RERE: variants seen among roughly 807,000 people sequenced by gnomAD.
The protein encoded by RERE is arginine-glutamic acid dipeptide repeats protein.
In RERE, 40 loss-of-function variants were observed where a neutral mutation model predicts 146.1. The observed-to-expected ratio is 0.27, with a 90% CI of 0.21 to 0.36. RERE has a LOEUF of 0.36. Ranked by LOEUF, RERE falls within the 10% of genes least tolerant of loss-of-function variation. The pLI is 1.00. For synonymous variants in RERE, 1,003 were observed against 866.0 expected (o/e 1.16, Z -2.78); for missense variants, 1,933 against 2,138.7 (o/e 0.90, Z 1.90).
intron 1 of RERE, among the ~76,000 whole-genome samples, chr1:8,731,010 C>G (rs1334350050): frequency 8.6e-5 from 13 of 151,992 alleles, no homozygotes; most frequent in Admixed American, 5.9e-4. Flanking sequence ...ACTGGGGTCA[C>G]AGAGCAAACA....
chr1:8,777,511 ACT>A (rs1641087371), intron 1 of RERE, among the ~76,000 whole-genome samples: 1 of 151,388 alleles, frequency 6.6e-6, no homozygotes, highest in African/African-American at 2.4e-5. Flanking sequence ...GAGACAGGTC[ACT>A]CTGAAAACAA....
At chr1:8,390,749 T>C (rs954770242) in intron 12 of RERE, among the ~76,000 whole-genome samples, 6 of 152,162 alleles carry the variant, frequency 3.9e-5, no homozygotes, top group African/African-American at 1.4e-4. Context: ...AAACCAGCTA[T>C]ACAAGAGGGA....
intron 12 of RERE, among the ~76,000 whole-genome samples, chr1:8,393,935 C>T (rs1406302315): frequency 6.6e-6 from 1 of 152,140 alleles, no homozygotes; most frequent in African/African-American, 2.4e-5. Flanking sequence ...ATGATAGGAG[C>T]TCAAGGCCCA....
At chr1:8,766,638 AG>A (rs1640854372) in intron 1 of RERE, among the ~76,000 whole-genome samples, 1 of 152,130 alleles carries the variant, frequency 6.6e-6, no homozygotes, top group Admixed American at 6.6e-5. Flanking sequence ...TAAGAGATAC[AG>A]GAAAAAGAAA....
chr1:8,449,375 C>T (rs1356305735), intron 11 of RERE, among the ~76,000 whole-genome samples: 1 of 152,164 alleles, frequency 6.6e-6, no homozygotes, highest in Non-Finnish European at 1.5e-5. Context: ...TTGGGTTCAG[C>T]TCCAACTTCT....
intron 8 of RERE, among the ~76,000 whole-genome samples, chr1:8,505,377 G>C (rs780649439): frequency 6.6e-6 from 1 of 152,120 alleles, no homozygotes; most frequent in Non-Finnish European, 1.5e-5. Context: ...TGATGTATTT[G>C]TGAGGCGTTT....
At chr1:8,520,551 T>C (rs963946887) in intron 7 of RERE, among the ~76,000 whole-genome samples, 8 of 152,086 alleles carry the variant, frequency 5.3e-5, no homozygotes, top group Non-Finnish European at 8.8e-5. Context: ...TATAGTGACT[T>C]TGCTCCGTTG....
chr1:8,429,394 T>G (rs1429766320), intron 11 of RERE, among the ~76,000 whole-genome samples: 6 of 152,116 alleles, frequency 3.9e-5, no homozygotes, highest in South Asian at 4.1e-4. Context: ...TCCCAAAAAT[T>G]CTATGTGTGG....
intron 12 of RERE, among the ~76,000 whole-genome samples, chr1:8,397,188 G>A (rs530824527): frequency 6.6e-6 from 1 of 152,300 alleles, no homozygotes; most frequent in African/African-American, 2.4e-5. Context: ...TGTTCTTTGG[G>A]CAAGTCATCA....
chr1:8,566,289 C>T lies in RERE; in HGVS notation c.523-8766G>A, dbSNP rs115347675. Among the ~76,000 whole-genome samples the T allele has an allele frequency of 8.2e-3, 1,250 of 152,226 alleles. 13 individuals are homozygous for T. Among genetic ancestry groups the T allele is most frequent in the African/African-American group, 0.028 (1,175 of 41,532 alleles). On this transcript the variant is annotated intron_variant, in intron 4 of 22. Coordinates refer to ENST00000400908, the MANE Select transcript of RERE (RefSeq NM_001042681.2). ...CCACACAACTCCCATTTCTAAAATA[C>T]CTTAAAACAAGGGGCAGGTAGAGGA...
At chr1:8,636,925 A>G (rs773809114) in intron 2 of RERE, among the ~76,000 whole-genome samples, 2 of 152,200 alleles carry the variant, frequency 1.3e-5, no homozygotes, top group Non-Finnish European at 2.9e-5. Context: ...CCTGATTCAC[A>G]GTTCAGTATT....
intron 10 of RERE, among the ~76,000 whole-genome samples, chr1:8,480,136 T>G (rs1208191481): frequency 9.9e-6 from 1 of 100,896 alleles, no homozygotes; most frequent in Non-Finnish European, 1.9e-5. Flanking sequence ...TTGTTTTTTT[T>G]TTTTTTGTTT....
chr1:8,680,350 G>A (rs1465296136), intron 1 of RERE, among the ~76,000 whole-genome samples: 1 of 152,224 alleles, frequency 6.6e-6, no homozygotes, highest in Non-Finnish European at 1.5e-5. Flanking sequence ...GCCATGAGAA[G>A]AGGCCAAAAT....
chr1:8,751,535 T>C (rs180942575), intron 1 of RERE, among the ~76,000 whole-genome samples: 12 of 152,326 alleles, frequency 7.9e-5, no homozygotes, highest in Admixed American at 2.0e-4. Context: ...GTCAAACTTA[T>C]GCTACCCAGT....
intron 1 of RERE, among the ~76,000 whole-genome samples, chr1:8,816,924 A>G (rs968107493): frequency 1.3e-5 from 2 of 152,184 alleles, no homozygotes; most frequent in African/African-American, 4.8e-5. Flanking sequence ...CATGAATAAG[A>G]GGCCAAGAGA....
chr1:8,407,905 G>C (rs1643495941), intron 12 of RERE, among the ~76,000 whole-genome samples: 2 of 152,150 alleles, frequency 1.3e-5, no homozygotes, highest in South Asian at 2.1e-4. Flanking sequence ...ACCCTAGAGA[G>C]GTCTACCATG....
At chr1:8,531,039 ATCTATCTATCTATCT>A (rs1645642892) in intron 7 of RERE, among the ~76,000 whole-genome samples, 1 of 141,772 alleles carries the variant, frequency 7.1e-6, no homozygotes, top group African/African-American at 2.7e-5. Flanking sequence ...CTATCTATCT[ATCTATCTATCTATCT>A]ATCTATCTAT....
intron 1 of RERE, among the ~76,000 whole-genome samples, chr1:8,800,541 G>C (rs1453386198): frequency 6.6e-6 from 1 of 152,120 alleles, no homozygotes; most frequent in Non-Finnish European, 1.5e-5. Context: ...GTAGGAGCCA[G>C]GCACTGTGGT....
chr1:8,565,028 C>A (rs1646135943), intron 4 of RERE, among the ~76,000 whole-genome samples: 1 of 151,966 alleles, frequency 6.6e-6, no homozygotes, highest in Non-Finnish European at 1.5e-5. Context: ...CTCAAACAAC[C>A]CAACTCACAG....
Sources: allele counts gnomAD v4.1 joint callset (sites outside exome capture counted in the v4.1 genomes callset), GRCh38; gene constraint gnomAD v4.1.1; transcripts MANE v1.5; gene names NCBI Gene and HGNC (gene_info 2026-07-23, HGNC 2026-07-21).